The following MACROD2 variants were observed in gnomAD, a reference collection of about 807,000 sequenced individuals.
MACROD2 encodes the protein mono-ADP ribosylhydrolase 2, also known as ADP-ribose glycohydrolase MACROD2.
A neutral mutation model predicts 70.4 loss-of-function variants in MACROD2; 36 were observed. That is an observed-to-expected ratio of 0.51 (90% CI 0.39 to 0.68). The LOEUF (loss-of-function observed/expected upper bound fraction) is 0.68, where lower values mean the gene tolerates loss of function less well. MACROD2 is among the 30% of genes least tolerant of loss of function. MACROD2 has a pLI of 0.00. For synonymous variants in MACROD2, 172 were observed against 178.8 expected (o/e 0.96, Z 0.30); for missense variants, 496 against 538.4 (o/e 0.92, Z 0.78).
chr20:14,982,983 G>A (rs2074815216), intron 5 of MACROD2, among the ~76,000 whole-genome samples: 1 of 152,190 alleles, frequency 6.6e-6, no homozygotes, highest in Non-Finnish European at 1.5e-5. Flanking sequence ...AGCCGGGAGG[G>A]AGGCTGTACC....
Position 14,915,464 on chromosome 20 carries a change from T to C in MACROD2, c.418+230505T>C, listed in dbSNP as rs2074080227. ...GAAGCATTAAGCTCAAGCTCAGCCCTTTATCTTTGACAAATACCACACTGT... is the reference window on the plus strand; with the variant it reads ...GAAGCATTAAGCTCAAGCTCAGCCCCTTATCTTTGACAAATACCACACTGT... On this transcript the variant is annotated intron_variant, in intron 5 of 17. Coordinates refer to ENST00000684519, the MANE Select transcript of MACROD2 (RefSeq NM_001351661.2). Among the ~76,000 whole-genome samples the C allele has an allele frequency of 1.3e-5, 2 of 152,208 alleles. 1 individual carries two copies. Among genetic ancestry groups the C allele is most frequent in the Non-Finnish European group, 2.9e-5 (2 of 68,034 alleles).
At position 15,775,079 on chromosome 20, in the gene MACROD2, A is replaced by G. The variant is rs114071695; in HGVS notation, c.646-87666A>G. ...CTCCAGTCAGAAGCCAGAAACAGAC[A>G]CTTTGAGGGAGGGGCAAAGGGAACA... On this transcript the variant is annotated intron_variant, in intron 8 of 17. Coordinates refer to ENST00000684519, the MANE Select transcript of MACROD2 (RefSeq NM_001351661.2). 2.5e-3 allele frequency among the ~76,000 whole-genome samples: 384 copies of G among 152,228 alleles called. 2 individuals are homozygous for G. Among genetic ancestry groups the G allele is most frequent in the African/African-American group, 8.9e-3 (370 of 41,586 alleles).
chr20:15,926,220 T>C (rs1019124309), intron 10 of MACROD2, among the ~76,000 whole-genome samples: 5 of 152,198 alleles, frequency 3.3e-5, no homozygotes, highest in African/African-American at 1.2e-4. Context: ...AAAATTCTGT[T>C]CTAAATGACA....
intron 3 of MACROD2, among the ~76,000 whole-genome samples, chr20:14,126,816 G>A (rs781274335): frequency 6.6e-6 from 1 of 152,152 alleles, no homozygotes; most frequent in Non-Finnish European, 1.5e-5. Flanking sequence ...ATAGAAGACA[G>A]TGAACTTAAT....
At position 13,995,695 on chromosome 20, in the gene MACROD2, C is replaced by CACAA; in HGVS notation, c.-69_-68insACAA. ...AGTGCCCCCTCCCACCCCTCCCACT[C>CACAA]CACACACACCCTGTTTGCCCGTGAG... On this transcript the variant is annotated 5_prime_UTR_variant, in exon 1 of 18. Transcript: ENST00000684519. The surrounding 1 kb of genome is among the most constrained non-coding windows in gnomAD (Gnocchi z 4.3). 1.0e-6 allele frequency: 1 copy of CACAA among 956,954 alleles called. No individual in the cohort carries two copies. The highest frequency in any genetic ancestry group is 1.6e-6 in the Non-Finnish European group (1 of 620,920). 59.3% of individuals were successfully genotyped at this position (956,954 alleles called of 1,614,324 possible).
intron 6 of MACROD2, among the ~76,000 whole-genome samples, chr20:15,304,954 G>A (rs1365214524): frequency 1.3e-5 from 2 of 152,314 alleles, no homozygotes; most frequent in Non-Finnish European, 1.5e-5. Context: ...CTGAGTGCTC[G>A]TTTGCTTACA....
intron 8 of MACROD2, among the ~76,000 whole-genome samples, chr20:15,649,086 C>T (rs1486429807): frequency 1.5e-5 from 1 of 66,558 alleles, no homozygotes; most frequent in Non-Finnish European, 3.0e-5. Flanking sequence ...CCCTTCCCTC[C>T]CCTTCCCTCC....
At chr20:14,651,204 A>G (rs1044548575) in intron 4 of MACROD2, among the ~76,000 whole-genome samples, 9 of 152,224 alleles carry the variant, frequency 5.9e-5, no homozygotes, top group African/African-American at 2.2e-4. Context: ...TGCATTTCCC[A>G]AACTTGTATG....
At chr20:15,261,384 T>C (rs768771473) in intron 6 of MACROD2, among the ~76,000 whole-genome samples, 1 of 152,002 alleles carries the variant, frequency 6.6e-6, no homozygotes, top group Non-Finnish European at 1.5e-5. Flanking sequence ...GATGAATCTT[T>C]GCTTTATTTA....
rs117766420 is a variant in MACROD2, at chr20:15,750,496, C to T, written c.646-112249C>T. 1.8e-3 allele frequency among the ~76,000 whole-genome samples: 273 copies of T among 151,718 alleles called. 7 individuals are homozygous for T. In the East Asian group the frequency reaches 0.042, roughly 23 times the overall value. On this transcript the variant is annotated intron_variant, in intron 8 of 17. Transcript: ENST00000684519. Reference sequence around the variant, plus strand: ...AGTAAATATGTTACCCTTCAATAAACAACAACTGATTAATAGCTTGGGTAA... The same window carrying T: ...AGTAAATATGTTACCCTTCAATAAATAACAACTGATTAATAGCTTGGGTAA...
chr20:15,099,519 C>G lies in MACROD2; in HGVS notation c.419-130421C>G, dbSNP rs1037978482. Among the ~76,000 whole-genome samples the G allele has an allele frequency of 5.3e-5, 8 of 152,196 alleles. 1 individual carries two copies. Among genetic ancestry groups the G allele is most frequent in the Non-Finnish European group, 2.9e-5 (2 of 68,032 alleles). On this transcript the variant is annotated intron_variant, in intron 5 of 17. Transcript: ENST00000684519. ...GACAGCAATTTGATCTTGGATCCCT[C>G]AGCCTCCAGGACTGTGAGAAATAAA...
rs534529180 is a variant in MACROD2 at position 14,509,907 on chromosome 20, TG to T, written c.301+16400del. ...TTTTAGTGCATATATGCTGATACAG[TG>T]AAGTAAAGGTAACATATTTATGTTT... On this transcript the variant is annotated intron_variant, in intron 4 of 17. Coordinates refer to ENST00000684519, the MANE Select transcript of MACROD2 (RefSeq NM_001351661.2). 2.0e-4 allele frequency among the ~76,000 whole-genome samples: 31 copies of T among 152,104 alleles called. 1 individual carries two copies. In the South Asian group the frequency reaches 6.4e-3, roughly 32 times the overall value.
At chr20:14,452,125 A>G (rs1212937021) in intron 3 of MACROD2, among the ~76,000 whole-genome samples, 2 of 152,120 alleles carry the variant, frequency 1.3e-5, no homozygotes, top group Non-Finnish European at 2.9e-5. Context: ...TGGAGAAACT[A>G]GAAAGAGTTT....
chr20:15,646,886 G>A (rs1329020133), intron 8 of MACROD2, among the ~76,000 whole-genome samples: 1 of 152,140 alleles, frequency 6.6e-6, no homozygotes, highest in Non-Finnish European at 1.5e-5. Context: ...TCAGTGTCAG[G>A]CAGTTCTTTA....
Position 15,469,015 on chromosome 20 carries a change from A to T in MACROD2, c.572-30759A>T, listed in dbSNP as rs147291773. ...TATAGTTCCTATCATTTTCACTGAG[A>T]TCACTAGAATATAGAAGATATTTAG... is the stretch of plus-strand genomic sequence containing the variant. On this transcript the variant is annotated intron_variant, in intron 7 of 17. Coordinates refer to ENST00000684519, the MANE Select transcript of MACROD2 (RefSeq NM_001351661.2). 2.1e-3 allele frequency among the ~76,000 whole-genome samples: 319 copies of T among 152,348 alleles called. 2 individuals carry two copies. Among genetic ancestry groups the T allele is most frequent in the African/African-American group, 7.4e-3 (306 of 41,588 alleles).
intron 9 of MACROD2, among the ~76,000 whole-genome samples, chr20:15,869,265 A>AGAGAGAGAGAGAGC (rs1322416478): frequency 1.4e-5 from 2 of 141,882 alleles, no homozygotes; most frequent in African/African-American, 5.1e-5. Context: ...AGAGAGAGAG[A>AGAGAGAGAGAGAGC]GAGCAATGCT....
chr20:15,586,678 GAGAA>G (rs2146658495), intron 8 of MACROD2, among the ~76,000 whole-genome samples: 1 of 152,190 alleles, frequency 6.6e-6, no homozygotes, highest in South Asian at 2.1e-4. Flanking sequence ...GAATAATATA[GAGAA>G]AGAAAGCCCA....
intron 4 of MACROD2, among the ~76,000 whole-genome samples, chr20:14,515,159 G>A (rs1487669289): frequency 6.6e-6 from 1 of 152,044 alleles, no homozygotes; most frequent in East Asian, 1.9e-4. Flanking sequence ...AAGTCACTGT[G>A]TTATTTATCA....
At chr20:14,279,405 G>A (rs6135108) in intron 3 of MACROD2, among the ~76,000 whole-genome samples, 26,281 of 152,036 alleles carry the variant, frequency 0.17, 2,645 homozygotes, top group East Asian at 0.27. Flanking sequence ...TCTGTGAATT[G>A]CAGTAAATTT....
Sources: allele counts gnomAD v4.1 joint callset (sites outside exome capture counted in the v4.1 genomes callset), GRCh38; gene constraint gnomAD v4.1.1; non-coding constraint Gnocchi (gnomAD v3.1); transcripts MANE v1.5; gene names NCBI Gene and HGNC (gene_info 2026-07-23, HGNC 2026-07-21).